The following SULT1C2 variants were observed in gnomAD, a reference collection of about 807,000 sequenced individuals.
SULT1C2 encodes the protein sulfotransferase 1C2.
A neutral mutation model predicts 36.0 loss-of-function variants in SULT1C2; 27 were observed. The observed-to-expected ratio is 0.75, with a 90% confidence interval of 0.55 to 1.03. The LOEUF (loss-of-function observed/expected upper bound fraction) is 1.03. SULT1C2 is among the 50% of genes least tolerant of loss of function. The probability of loss-of-function intolerance (pLI) is 0.00; values close to 1 mark genes in which losing one functional copy is unlikely to be tolerated. For synonymous variants in SULT1C2, 121 were observed against 116.0 expected, an observed-to-expected ratio of 1.04 and a Z score of -0.27; for missense variants, 395 against 359.2, an observed-to-expected ratio of 1.10 and a Z score of -0.80.
rs545045621 is a variant in SULT1C2 at position 108,293,992 on chromosome 2, A to T, written c.151+174A>T. ...ATCCGAGTTTTCCAGGAAAGCTGCT[A>T]TGCTCTACCATGCACTGGTCTTGGG... On this transcript the variant is annotated intron_variant, in intron 2 of 7. Coordinates refer to ENST00000251481, the MANE Select transcript of SULT1C2 (RefSeq NM_001056.4). 3.3e-5 allele frequency among the ~76,000 whole-genome samples: 5 copies of T among 152,270 alleles called. No individual in the cohort carries two copies. In the South Asian group the frequency reaches 1.0e-3, roughly 32 times the overall value.
intron 7 of SULT1C2, among the ~76,000 whole-genome samples, chr2:108,306,441 CAA>C (rs66861455): frequency 1.3e-5 from 2 of 151,556 alleles, no homozygotes; most frequent in Non-Finnish European, 2.9e-5. Context: ...CCCATCTCTA[CAA>C]AAAAAAATTA....
chr2:108,305,433 C>T lies in SULT1C2; in HGVS notation c.616C>T (p.Arg206Trp), dbSNP rs146820413. Residue 206 changes from arginine (R) to tryptophan (W), a missense_variant, in exon 7 of 8, where the codon CGG becomes TGG. Arg to Trp is a moderately radical substitution (Grantham distance 101, BLOSUM62 -3). Coordinates refer to ENST00000251481, the MANE Select transcript of SULT1C2 (RefSeq NM_001056.4). ...GCCGCAGGACCCAAAGCATGAAATTCGGAAGGTGATGCAGTTCATGGGAAA... is the reference window on the plus strand; with the variant it reads ...GCCGCAGGACCCAAAGCATGAAATTTGGAAGGTGATGCAGTTCATGGGAAA... Reference protein sequence around the residue: ...DIKRDPKHEIRKVMQFMGKKV... With the variant: ...DIKRDPKHEIWKVMQFMGKKV... 734 of 1,613,974 alleles carry T rather than the reference C, an allele frequency of 4.5e-4. 3 individuals are homozygous for T. In the African/African-American group the frequency reaches 8.3e-3, roughly 18 times the overall value.
intron 1 of SULT1C2, among the ~76,000 whole-genome samples, chr2:108,291,450 GACATCTT>G (rs1324897588): frequency 2.0e-5 from 3 of 152,104 alleles, no homozygotes; most frequent in African/African-American, 7.2e-5. Flanking sequence ...TTAGGACGTG[GACATCTT>G]TAGGGCCATT....
chr2:108,307,807 C>CAAAT (rs1677061313), intron 7 of SULT1C2, among the ~76,000 whole-genome samples: 9 of 152,182 alleles, frequency 5.9e-5, no homozygotes, highest in Admixed American at 5.9e-4. Flanking sequence ...ACCACCCGCA[C>CAAAT]CCCAATCAAG....
At chr2:108,301,498 G>A (rs191143406) in intron 4 of SULT1C2, 6,843 of 152,358 alleles carry the variant, frequency 0.045, 162 homozygotes, top group East Asian at 0.091. Context: ...GGAGAATGGC[G>A]TGAACCCGGG....
At chr2:108,295,576 T>A (rs1676704547) in intron 3 of SULT1C2, among the ~76,000 whole-genome samples, 1 of 152,254 alleles carries the variant, frequency 6.6e-6, no homozygotes, top group African/African-American at 2.4e-5. Context: ...TCACAATGTT[T>A]ACATAACCTC....
At chr2:108,294,992 A>G (rs937505093) in intron 3 of SULT1C2, among the ~76,000 whole-genome samples, 7 of 152,244 alleles carry the variant, frequency 4.6e-5, no homozygotes, top group African/African-American at 1.2e-4. Flanking sequence ...TACTTCCCTA[A>G]GTTATAGCAT....
At chr2:108,302,635 T>G (rs1045971703) in intron 4 of SULT1C2, 1 of 152,056 alleles carries the variant, frequency 6.6e-6, no homozygotes, top group African/African-American at 2.4e-5. Flanking sequence ...AAAGAACCCA[T>G]GGAAGAGTCA....
intron 7 of SULT1C2, among the ~76,000 whole-genome samples, chr2:108,307,290 C>A (rs192281990): frequency 2.6e-5 from 4 of 152,334 alleles, no homozygotes; most frequent in African/African-American, 9.6e-5. Context: ...TTCAGACTCA[C>A]ACAGACACAA....
chr2:108,292,700 G>A (rs973862038), intron 1 of SULT1C2, among the ~76,000 whole-genome samples: 2 of 152,202 alleles, frequency 1.3e-5, no homozygotes, highest in African/African-American at 4.8e-5. Context: ...TGCAGCTGCT[G>A]TGGAAGATGC....
chr2:108,296,785 G>T (rs115579826), intron 3 of SULT1C2, among the ~76,000 whole-genome samples: 1 of 152,342 alleles, frequency 6.6e-6, no homozygotes, highest in Non-Finnish European at 1.5e-5. Flanking sequence ...ATCCCTGCCA[G>T]TTGAGGTGAG....
intron 3 of SULT1C2, among the ~76,000 whole-genome samples, chr2:108,296,458 G>GTT (rs1676731421): frequency 1.4e-5 from 1 of 72,772 alleles, no homozygotes. Flanking sequence ...TCGTTTGTTT[G>GTT]GTTTTTTTTT....
At chr2:108,300,474 G>A (rs1265577234) in intron 3 of SULT1C2, 4 of 344,278 alleles carry the variant, frequency 1.2e-5, no homozygotes, top group Non-Finnish European at 2.1e-5. Context: ...CCGGGTACAT[G>A]AGACAGCCTG....
intron 5 of SULT1C2, 99 bp downstream of exon 5, chr2:108,304,799 A>G: frequency 2.0e-6 from 3 of 1,482,466 alleles, no homozygotes; most frequent in Non-Finnish European, 2.7e-6. Context: ...CCTGTACTTC[A>G]TCAGGTGTGT....
intron 1 of SULT1C2, among the ~76,000 whole-genome samples, chr2:108,290,911 T>C (rs1053582241): frequency 6.6e-6 from 1 of 152,246 alleles, no homozygotes; most frequent in African/African-American, 2.4e-5. Flanking sequence ...TAAACAGTTT[T>C]CTATCACTAT....
intron 1 of SULT1C2, among the ~76,000 whole-genome samples, 189 bp downstream of exon 1, chr2:108,289,259 AC>A (rs1449801297): frequency 6.6e-6 from 1 of 151,812 alleles, no homozygotes; most frequent in Non-Finnish European, 1.5e-5. Flanking sequence ...GAAATTCAGG[AC>A]CCCCCTCAAA....
In SULT1C2 at chr2:108,293,778, C is replaced by A. The variant is rs777714205; in HGVS notation, c.111C>A (p.Ala37=). 2 of 1,614,070 alleles carry A rather than the reference C, an allele frequency of 1.2e-6. No individual in the cohort carries two copies. The highest frequency in any genetic ancestry group is 2.2e-5 in the South Asian group (2 of 91,056). The change falls in exon 2 of 8, where the codon GCC becomes GCA. Residue 37 remains alanine (A), a synonymous_variant. Coordinates refer to ENST00000251481, the MANE Select transcript of SULT1C2 (RefSeq NM_001056.4). ...DNWSQIQSFE[A]KPDDLLICTY... ...GGAGCCAGATCCAGAGCTTCGAGGCCAAACCAGATGATCTCCTCATCTGCA... is the reference window on the plus strand; with the variant it reads ...GGAGCCAGATCCAGAGCTTCGAGGCAAAACCAGATGATCTCCTCATCTGCA...
chr2:108,305,380 T>A, intron 6 of SULT1C2, 35 bp from the exon 7 acceptor site: 1 of 1,610,760 alleles, frequency 6.2e-7, no homozygotes, highest in Non-Finnish European at 8.5e-7. Flanking sequence ...TATGATACTC[T>A]CATTCATTCC....
intron 7 of SULT1C2, among the ~76,000 whole-genome samples, chr2:108,306,402 C>T (rs989449401): frequency 1.3e-5 from 2 of 151,746 alleles, no homozygotes; most frequent in East Asian, 1.9e-4. Context: ...GCTAGGAGTT[C>T]GAAACTAGAC....
Sources: gnomAD v4.1 joint callset for allele counts (sites outside exome capture counted in the v4.1 genomes callset) on GRCh38, gnomAD v4.1.1 for gene constraint, MANE v1.5 for transcripts, NCBI Gene and HGNC (gene_info 2026-07-23, HGNC 2026-07-21) for gene names.